The following CLIC5 variants were observed in gnomAD, a reference collection of about 807,000 sequenced individuals.
The protein encoded by CLIC5 is CLIC family member 5.
Under a neutral mutation model 24.7 loss-of-function variants are expected in CLIC5, and 20 were observed. The observed-to-expected ratio is 0.81, with a 90% CI of 0.57 to 1.18. CLIC5 has a LOEUF of 1.18. CLIC5 is among the 50% of genes most tolerant of loss of function. The pLI, the probability that CLIC5 is intolerant of heterozygous loss-of-function variation, is 0.00. For synonymous variants in CLIC5, 159 were observed against 135.6 expected (o/e 1.17, Z -1.20); for missense variants, 341 against 326.1 (o/e 1.05, Z -0.35).
chr6:45,906,199 T>G (rs1762654892), intron 5 of CLIC5, among the ~76,000 whole-genome samples: 1 of 152,222 alleles, frequency 6.6e-6, no homozygotes, highest in Non-Finnish European at 1.5e-5. Context: ...TTCCGGCTCA[T>G]TTTTGGTTCC....
At chr6:46,023,358 A>T (rs531743658) in intron 1 of CLIC5, among the ~76,000 whole-genome samples, 1 of 152,360 alleles carries the variant, frequency 6.6e-6, no homozygotes, top group South Asian at 2.1e-4. Context: ...GCAAAAACTT[A>T]AAAAGGGTAA....
At chr6:45,908,307 A>G (rs933617818) in intron 5 of CLIC5, among the ~76,000 whole-genome samples, 1 of 152,080 alleles carries the variant, frequency 6.6e-6, no homozygotes, top group Non-Finnish European at 1.5e-5. Context: ...TTCTTTTACT[A>G]TACTAGCTTT....
At chr6:45,910,722 T>C (rs1762792793) in intron 5 of CLIC5, among the ~76,000 whole-genome samples, 1 of 152,148 alleles carries the variant, frequency 6.6e-6, no homozygotes, top group Admixed American at 6.5e-5. Context: ...AAACCTACTC[T>C]TCTATTTACT....
At chr6:45,925,606 C>T (rs1033047293) in intron 4 of CLIC5, among the ~76,000 whole-genome samples, 16 of 152,320 alleles carry the variant, frequency 1.1e-4, no homozygotes, top group Admixed American at 7.8e-4. Flanking sequence ...TGAGCCGTCG[C>T]GCTCAGCCTC....
chr6:46,085,235 C>A (rs946265008), upstream of CLIC5, among the ~76,000 whole-genome samples: 2 of 152,184 alleles, frequency 1.3e-5, no homozygotes, highest in African/African-American at 4.8e-5. Context: ...TCCTATAGCT[C>A]GGAGTAGTTT....
At chr6:45,974,351 T>C (rs1765306553) in intron 1 of CLIC5, among the ~76,000 whole-genome samples, 1 of 151,762 alleles carries the variant, frequency 6.6e-6, no homozygotes, top group South Asian at 2.1e-4. Flanking sequence ...GAAGTGATTA[T>C]AGCTTCCAGG....
At chr6:46,123,183 A>G in the CLIC5 span, 2 of 152,362 alleles carry the variant, frequency 1.3e-5, no homozygotes, top group Non-Finnish European at 2.9e-5. Flanking sequence ...AAAATCCTCA[A>G]TAAAATACTG....
chr6:46,111,439 T>C, the CLIC5 span, among the ~76,000 whole-genome samples: 1 of 152,348 alleles, frequency 6.6e-6, no homozygotes, highest in Non-Finnish European at 1.5e-5. Flanking sequence ...TCCTTAGAAA[T>C]ACCTCTTACT....
chr6:45,917,926 CT>C (rs1333067091), intron 4 of CLIC5, among the ~76,000 whole-genome samples: 15 of 152,226 alleles, frequency 9.9e-5, no homozygotes. Flanking sequence ...CACATAATTA[CT>C]CTGAGTAGTT....
intron 1 of CLIC5, among the ~76,000 whole-genome samples, chr6:46,039,100 G>A (rs1191058175): frequency 1.3e-5 from 2 of 152,052 alleles, no homozygotes; most frequent in African/African-American, 4.8e-5. Flanking sequence ...TGCATAGAAA[G>A]CCAAATATTC....
upstream of CLIC5, among the ~76,000 whole-genome samples, chr6:46,019,465 T>C (rs1221589868): frequency 6.6e-6 from 1 of 151,684 alleles, no homozygotes; most frequent in African/African-American, 2.4e-5. Context: ...GGCGGATGGA[T>C]CATGAGGTCA....
intron 3 of CLIC5, among the ~76,000 whole-genome samples, chr6:45,943,348 G>C (rs994884186): frequency 2.0e-5 from 3 of 151,166 alleles, no homozygotes; most frequent in South Asian, 4.2e-4. Flanking sequence ...CCATCAGGAG[G>C]GGGTGCTTTG....
In CLIC5 at chr6:46,053,370, A is replaced by G. The variant is rs565205356; in HGVS notation, c.540+26333T>C. On this transcript the variant is annotated intron_variant, in intron 1 of 5. Coordinates refer to the CLIC5 transcript ENST00000185206. ...GGAAACAGAAATTCAGAGGTGCTATATTAGATGGTGAGGAGGATGTTTGAG... is the reference window on the plus strand; with the variant it reads ...GGAAACAGAAATTCAGAGGTGCTATGTTAGATGGTGAGGAGGATGTTTGAG... Among the ~76,000 whole-genome samples the G allele has an allele frequency of 3.9e-5, 6 of 152,334 alleles. No individual in the cohort carries two copies. In the South Asian group the frequency reaches 1.0e-3, roughly 26 times the overall value.
intron 1 of CLIC5, among the ~76,000 whole-genome samples, chr6:46,050,876 T>TGTGTGTGC (rs779862566): frequency 5.9e-5 from 9 of 151,744 alleles, no homozygotes; most frequent in African/African-American, 1.7e-4. Context: ...TGTGTGTGTG[T>TGTGTGTGC]GCATTCCTCC....
chr6:46,002,513 G>A (rs763950552), intron 1 of CLIC5, among the ~76,000 whole-genome samples: 2 of 151,990 alleles, frequency 1.3e-5, no homozygotes, highest in African/African-American at 2.4e-5. Context: ...TTTTCCCAGT[G>A]GCATGCAATA....
rs557230884 is a variant in CLIC5, at chr6:45,946,126, C to T, written c.299+3130G>A. Among the ~76,000 whole-genome samples the T allele has an allele frequency of 2.0e-5, 3 of 152,326 alleles. No individual in the cohort carries two copies. The South Asian group carries it at 6.2e-4, about 32-fold the overall frequency. ...AAGGAGGGTCTGAGCGGGAGAGAGGCTTGTCCAAGGTCATATGACAAACAC... is the reference window on the plus strand; with the variant it reads ...AAGGAGGGTCTGAGCGGGAGAGAGGTTTGTCCAAGGTCATATGACAAACAC... On this transcript the variant is annotated intron_variant, in intron 3 of 5. Transcript: ENST00000339561.
rs113395109 is a variant in CLIC5 at position 46,001,358 on chromosome 6, C to A, written c.63+14122G>T. 5.0e-3 allele frequency among the ~76,000 whole-genome samples: 762 copies of A among 152,286 alleles called. 5 individuals carry two copies. The highest frequency in any genetic ancestry group is 0.018 in the African/African-American group (733 of 41,550). On this transcript the variant is annotated intron_variant, in intron 1 of 5. Coordinates refer to ENST00000339561, the MANE Select transcript of CLIC5 (RefSeq NM_016929.5). The stretch of plus-strand genomic sequence containing the variant: ...GGGAAGAGGTGGATGGCTTTCTCCC[C>A]CTTCTCTGCCTGAGCTTAGCTGGGC...
At chr6:45,983,209 A>G (rs994288127) in intron 1 of CLIC5, among the ~76,000 whole-genome samples, 1 of 152,192 alleles carries the variant, frequency 6.6e-6, no homozygotes, top group African/African-American at 2.4e-5. Context: ...TCTAAAGTTC[A>G]TGCAGCAGCA....
At chr6:46,065,331 A>G (rs563277067) in intron 1 of CLIC5, among the ~76,000 whole-genome samples, 4 of 148,098 alleles carry the variant, frequency 2.7e-5, no homozygotes, top group Admixed American at 1.4e-4. Context: ...AGCCACTTTG[A>G]AAACAATTTT....
Sources: allele counts gnomAD v4.1 joint callset (sites outside exome capture counted in the v4.1 genomes callset), GRCh38; gene constraint gnomAD v4.1.1; transcripts MANE v1.5; gene names NCBI Gene and HGNC (gene_info 2026-07-23, HGNC 2026-07-21).